The following MUC3A variants were observed in gnomAD, a reference collection of about 807,000 sequenced individuals.
MUC3A encodes mucin 3A, cell surface associated, also known as mucin-3A.
MUC3A carries 109 observed loss-of-function variants against 109.0 expected under a neutral mutation model. That is an observed-to-expected ratio of 1.00 (90% CI 0.86 to 1.17). The LOEUF is 1.17. MUC3A is among the 50% of genes most tolerant of loss of function. The pLI is 0.00. For missense variants in MUC3A, 3,537 were observed against 2,469.4 expected (o/e 1.43, Z -9.16); for synonymous variants, 1,398 against 981.4 (o/e 1.42, Z -7.93).
intron 3 of MUC3A, among the ~76,000 whole-genome samples, chr7:100,961,964 A>ATCTGGGCTTGGTGGCTCGTG (rs1584808685): frequency 1.8e-4 from 22 of 121,502 alleles, no homozygotes; most frequent in Non-Finnish European, 3.3e-4. Context: ...TTAAAAACTT[A>ATCTGGGCTTGGTGGCTCGTG]CCTCACGCCT....
In MUC3A at chr7:100,953,582, C is replaced by T. The variant is rs1792027646; in HGVS notation, c.1803C>T (p.Phe601=). The T allele has an allele frequency of 6.8e-6, 3 of 443,032 alleles. No homozygotes were observed. Among genetic ancestry groups the T allele is most frequent in the East Asian group, 3.4e-5 (1 of 29,208 alleles). 27.4% of individuals were successfully genotyped at this position (443,032 alleles called of 1,614,324 possible). A position where few individuals can be genotyped will look rare whatever the true frequency, so the allele number is the denominator to read the frequency against. The change falls in exon 2 of 12, where the codon TTC becomes TTT. Residue 601 remains phenylalanine, a synonymous_variant. Coordinates refer to ENST00000379458, the MANE Select transcript of MUC3A (RefSeq NM_005960.2). ...AATTGTGQTT[F]TSSTATFPET... ...CTACAGGAACAGGTCAGACCACCTT[C>T]ACCAGCTCTACAGCCACATTTCCTG... is the stretch of plus-strand genomic sequence containing the variant.
Position 100,960,821 on chromosome 7 carries a change from G to A in MUC3A, c.8936G>A (p.Arg2979His), listed in dbSNP as rs751975080. The A allele has an allele frequency of 1.0e-5, 16 of 1,598,396 alleles. No individual in the cohort carries two copies. Among genetic ancestry groups the A allele is most frequent in the Middle Eastern group, 1.6e-4 (1 of 6,082 alleles). The change falls in exon 3 of 12, where the codon CGC (arginine) becomes CAC (histidine). Residue 2979 changes from arginine to histidine, a missense_variant. Physicochemically the swap from Arg to His is conservative, Grantham distance 29. Transcript: ENST00000379458. The part of the protein sequence containing the change: ...CACLPGFSGD[R>H]CQLQTRCQNG... ...TGCCTTCCGGGGTTTTCTGGGGACC[G>A]CTGTCAGCTCCAGACCAGATGCCAG...
At chr7:100,962,797 T>TTCTC (rs67170949) in intron 3 of MUC3A, among the ~76,000 whole-genome samples, 4,680 of 143,340 alleles carry the variant, frequency 0.033, 98 homozygotes, top group Middle Eastern at 0.066. Context: ...CTTTCTTTCT[T>TTCTC]TCTCTCTCTC....
rs1215703046 is a variant in MUC3A at position 100,952,429 on chromosome 7, C to T, written c.650C>T (p.Thr217Ile). 3 of 1,598,490 alleles carry T rather than the reference C, an allele frequency of 1.9e-6. No homozygotes were observed. Among genetic ancestry groups the T allele is most frequent in the Admixed American group, 1.7e-5 (1 of 60,010 alleles). Reference protein sequence around the residue: ...SVSATDTTFHTTISSTTRTTE... With the variant: ...SVSATDTTFHITISSTTRTTE... The stretch of plus-strand genomic sequence containing the variant: ...TCAGCCACAGACACAACCTTCCACA[C>T]TACAATCTCGTCTACAACTAGAACC... The change falls in exon 2 of 12, where the codon ACT (threonine) becomes ATT (isoleucine). Residue 217 changes from threonine to isoleucine, a missense_variant. Coordinates refer to ENST00000379458, the MANE Select transcript of MUC3A (RefSeq NM_005960.2).
At chr7:100,967,096 C>T (rs751625053) in intron 11 of MUC3A, 25 bp from the exon 12 acceptor site, 3 of 1,598,544 alleles carry the variant, frequency 1.9e-6, no homozygotes, top group East Asian at 4.5e-5. Context: ...CTCCGCGTTC[C>T]CGTCCCTCAC....
rs111656197 is a variant in MUC3A at position 100,959,783 on chromosome 7, G to T, written c.8004G>T (p.Thr2668=). The change falls in exon 2 of 12, where the codon ACG becomes ACT. Residue 2668 remains threonine, a synonymous_variant. Coordinates refer to ENST00000379458, the MANE Select transcript of MUC3A (RefSeq NM_005960.2). ...CAGAATCTTTCACTAGGGGAAGTACGTCTACAAATGCAATCTTGACTTCTT... is the reference window on the plus strand; with the variant it reads ...CAGAATCTTTCACTAGGGGAAGTACTTCTACAAATGCAATCTTGACTTCTT... ...FTTESFTRGS[T]STNAILTSFS... The T allele has an allele frequency of 3.1e-6, 5 of 1,591,492 alleles. No individual in the cohort carries two copies. The highest frequency in any genetic ancestry group is 3.4e-6 in the Non-Finnish European group (4 of 1,178,182).
rs746357969 is a variant in MUC3A at position 100,960,640 on chromosome 7, C to T, written c.8861C>T (p.Thr2954Ile). Residue 2954 changes from threonine to isoleucine, a missense_variant, in exon 2 of 12, where the codon ACT becomes ATT. By Grantham distance (89) the Thr-to-Ile change is moderately conservative. Transcript: ENST00000379458. Reference sequence around the variant, plus strand: ...ACCACACAGTCCACGTTGACCACCACTGCAGGTTGGACCTTCTGCCTCTCT... The same window carrying T: ...ACCACACAGTCCACGTTGACCACCATTGCAGGTTGGACCTTCTGCCTCTCT... ...QMTTQSTLTT[T>I]AGTCDNGGTW... 4 of 1,597,396 alleles carry T rather than the reference C, an allele frequency of 2.5e-6. No homozygotes were observed. The highest frequency in any genetic ancestry group is 3.4e-6 in the Non-Finnish European group (4 of 1,179,020).
At chr7:100,951,774 CAT>C in intron 1 of MUC3A, 65 bp from the exon 2 acceptor site, 1 of 1,550,120 alleles carries the variant, frequency 6.5e-7, no homozygotes, top group Admixed American at 1.7e-5. Context: ...GAGTAGCTTA[CAT>C]GAGTGATGTA....
At chr7:100,962,316 G>A (rs1315306649) in intron 3 of MUC3A, among the ~76,000 whole-genome samples, 2 of 152,334 alleles carry the variant, frequency 1.3e-5, no homozygotes, top group Middle Eastern at 3.4e-3. Flanking sequence ...TATTTGGAAG[G>A]CTGAGGTGGG....
intron 4 of MUC3A, 21 bp downstream of exon 4, chr7:100,963,287 A>AGTTTTTTTTTTTTTTTTTTTTTTT: frequency 9.7e-7 from 1 of 1,025,972 alleles, no homozygotes; most frequent in Non-Finnish European, 1.3e-6. Flanking sequence ...AAGAGAGGGG[A>AGTTTTTTTTTTTTTTTTTTTTTTT]TTTTTTTTTT....
Position 100,958,559 on chromosome 7 carries a change from C to G in MUC3A, c.6780C>G (p.Ile2260Met), listed in dbSNP as rs536633233. Residue 2260 changes from isoleucine to methionine, a missense_variant, in exon 2 of 12, where the codon ATC becomes ATG. Ile to Met is a conservative substitution (Grantham distance 10, BLOSUM62 1). Coordinates refer to ENST00000379458, the MANE Select transcript of MUC3A (RefSeq NM_005960.2). ...SHSTPSFTSSITTTETTSHDT... is the reference protein window; with the variant it reads ...SHSTPSFTSSMTTTETTSHDT... ...GTACTCCCAGCTTCACTTCTTCGAT[C>G]ACCACCACTGAGACCACCTCACATG... 9.4e-6 allele frequency: 12 copies of G among 1,281,470 alleles called. No homozygotes were observed. Among genetic ancestry groups the G allele is most frequent in the Middle Eastern group, 1.9e-4 (1 of 5,376 alleles). The allele number at this position is 1,281,470 out of a possible 1,614,324, so 79.4% of individuals were successfully genotyped here. A position where few individuals can be genotyped will look rare whatever the true frequency, so the allele number is the denominator to read the frequency against.
chr7:100,952,721 A>G lies in MUC3A; in HGVS notation c.942A>G (p.Leu314=), dbSNP rs745762839. The change falls in exon 2 of 12, where the codon CTA becomes CTG. Residue 314 remains leucine (L), a synonymous_variant. Coordinates refer to ENST00000379458, the MANE Select transcript of MUC3A (RefSeq NM_005960.2). ...ITSGITNTTP[L]STLVTTLPTT... The stretch of plus-strand genomic sequence containing the variant: ...GTGGTATCACAAACACCACCCCCCT[A>G]TCCACCTTGGTGACCACACTCCCCA... 1.3e-6 allele frequency: 2 copies of G among 1,592,540 alleles called. No individual in the cohort carries two copies.
Position 100,959,186 on chromosome 7 carries a change from G to T in MUC3A, c.7407G>T (p.Ala2469=), listed in dbSNP as rs763397611. The T allele has an allele frequency of 1.3e-6, 2 of 1,597,850 alleles. No homozygotes were observed. Among genetic ancestry groups the T allele is most frequent in the East Asian group, 2.2e-5 (1 of 44,868 alleles). The part of the protein sequence containing the change: ...ITSHFTTSET[A]VTPTPVTPSS... Reference sequence around the variant, plus strand: ...CACATTTTACTACCTCAGAGACTGCGGTGACTCCCACACCTGTAACCCCAT... The same window carrying T: ...CACATTTTACTACCTCAGAGACTGCTGTGACTCCCACACCTGTAACCCCAT... The change falls in exon 2 of 12, where the codon GCG becomes GCT. Residue 2469 remains alanine (A), a synonymous_variant. Transcript: ENST00000379458.
Position 100,957,385 on chromosome 7 carries a change from T to A in MUC3A, c.5606T>A (p.Val1869Glu). ...AATATGACAGGTACATTGTCCACTG[T>A]GACCTCTCTTCGACCCACCTCTTCC... is the stretch of plus-strand genomic sequence containing the variant. ...STNMTGTLST[V>E]TSLRPTSSSL... is the part of the protein sequence containing the mutation. The change falls in exon 2 of 12, where the codon GTG becomes GAG. Residue 1869 changes from valine (V) to glutamate (E), a missense_variant. By Grantham distance (121) the Val-to-Glu change is moderately radical (BLOSUM62 -2). Transcript: ENST00000379458. The A allele has an allele frequency of 1.6e-6, 1 of 621,868 alleles. No homozygotes were observed. Among genetic ancestry groups the A allele is most frequent in the Non-Finnish European group, 2.6e-6 (1 of 382,702 alleles). 38.5% of individuals were successfully genotyped at this position (621,868 alleles called of 1,614,324 possible).
rs1792016347 is a variant in MUC3A, at chr7:100,953,118, A to G, written c.1339A>G (p.Thr447Ala). Residue 447 changes from threonine to alanine, a missense_variant, in exon 2 of 12, where the codon ACA becomes GCA. Thr to Ala is a moderately conservative substitution (Grantham distance 58). Transcript: ENST00000379458. ...TCTGAGTACAGACATCCCTTTCACA[A>G]CACCAACAACTATCACCCACCATTC... ...SSLSTDIPFT[T>A]PTTITHHSVG... 1 of 787,020 alleles carries G rather than the reference A, an allele frequency of 1.3e-6. No individual in the cohort carries two copies. The highest frequency in any genetic ancestry group is 2.0e-6 in the Non-Finnish European group (1 of 496,244). 48.8% of individuals were successfully genotyped at this position (787,020 alleles called of 1,614,324 possible).
At position 100,952,209 on chromosome 7, in the gene MUC3A, A is replaced by C; in HGVS notation, c.430A>C (p.Ile144Leu). 1 of 1,598,518 alleles carries C rather than the reference A, an allele frequency of 6.3e-7. No homozygotes were observed. The highest frequency in any genetic ancestry group is 1.1e-5 in the South Asian group (1 of 91,092). The change falls in exon 2 of 12, where the codon ATC (isoleucine) becomes CTC (leucine). Residue 144 changes from isoleucine (I) to leucine (L), a missense_variant. Ile to Leu is a conservative substitution (Grantham distance 5, BLOSUM62 2). Coordinates refer to ENST00000379458, the MANE Select transcript of MUC3A (RefSeq NM_005960.2). ...AATCACCATCTCCCACCCCACCTCC[A>C]TCTGTGTGACCACGACGCAGGTGGC... ...FIITISHPTS[I>L]CVTTTQVAFT...
At position 100,952,415 on chromosome 7, in the gene MUC3A, C is replaced by T; in HGVS notation, c.636C>T (p.Asp212=). 6.3e-7 allele frequency: 1 copy of T among 1,598,584 alleles called. No individual in the cohort carries two copies. The highest frequency in any genetic ancestry group is 8.5e-7 in the Non-Finnish European group (1 of 1,179,800). Residue 212 remains aspartate (D), a synonymous_variant, in exon 2 of 12, where the codon GAC becomes GAT. Coordinates refer to ENST00000379458, the MANE Select transcript of MUC3A (RefSeq NM_005960.2). ...CACCCTCCTCTGTGTCAGCCACAGACACAACCTTCCACACTACAATCTCGT... is the reference window on the plus strand; with the variant it reads ...CACCCTCCTCTGTGTCAGCCACAGATACAACCTTCCACACTACAATCTCGT... ...TVTPSSVSAT[D]TTFHTTISST... is the part of the protein sequence containing the mutation.
rs143359581 is a variant in MUC3A at position 100,951,877 on chromosome 7, C to T, written c.98C>T (p.Pro33Leu). 4,240 of 1,597,590 alleles carry T rather than the reference C, an allele frequency of 2.7e-3. No homozygotes were observed. The African/African-American group carries it at 0.044, about 17-fold the overall frequency. ...ACGGCCACATCCATCTCTCAAGTGCCTTTCCCCAGAGCAGAAGCAGCCAGC... is the reference window on the plus strand; with the variant it reads ...ACGGCCACATCCATCTCTCAAGTGCTTTTCCCCAGAGCAGAAGCAGCCAGC... ...LSTATSISQVPFPRAEAASAV... is the reference protein window; with the variant it reads ...LSTATSISQVLFPRAEAASAV... Residue 33 changes from proline to leucine, a missense_variant, in exon 2 of 12, where the codon CCT becomes CTT. By Grantham distance (98) the Pro-to-Leu change is moderately conservative. Transcript: ENST00000379458.
At position 100,952,714 on chromosome 7, in the gene MUC3A, C is replaced by G. The variant is rs74220905; in HGVS notation, c.935C>G (p.Thr312Ser). Residue 312 changes from threonine (T) to serine (S), a missense_variant, in exon 2 of 12, where the codon ACC becomes AGC. By Grantham distance (58) the Thr-to-Ser change is moderately conservative (BLOSUM62 1). Transcript: ENST00000379458. The part of the protein sequence containing the change: ...ETITSGITNT[T>S]PLSTLVTTLP... ...ATCACCAGTGGTATCACAAACACCA[C>G]CCCCCTATCCACCTTGGTGACCACA... is the stretch of plus-strand genomic sequence containing the variant. 1 of 1,483,512 alleles carries G rather than the reference C, an allele frequency of 6.7e-7. No homozygotes were observed. Among genetic ancestry groups the G allele is most frequent in the Admixed American group, 2.0e-5 (1 of 49,510 alleles). 91.9% of individuals were successfully genotyped at this position (1,483,512 alleles called of 1,614,324 possible). A position where few individuals can be genotyped will look rare whatever the true frequency, so the allele number is the denominator to read the frequency against.
Sources: allele counts gnomAD v4.1 joint callset (sites outside exome capture counted in the v4.1 genomes callset), GRCh38; gene constraint gnomAD v4.1.1; transcripts MANE v1.5; gene names NCBI Gene and HGNC (gene_info 2026-07-23, HGNC 2026-07-21).